BMPER: variants seen among roughly 807,000 people sequenced by gnomAD.
The protein encoded by BMPER is BMP-binding endothelial regulator protein.
BMPER carries 45 observed loss-of-function variants against 87.3 expected under a neutral mutation model. The observed-to-expected ratio is 0.52, with a 90% CI of 0.41 to 0.66. The LOEUF is 0.66. Among genes scored for constraint, BMPER ranks in the 30% least tolerant of loss-of-function variants. The pLI is 0.00. For synonymous variants in BMPER, 326 were observed against 316.2 expected, an observed-to-expected ratio of 1.03 and a Z score of -0.33; for missense variants, 784 against 867.5, an observed-to-expected ratio of 0.90 and a Z score of 1.21.
At chr7:33,921,244 T>C (rs1784222583) in intron 2 of BMPER, among the ~76,000 whole-genome samples, 1 of 152,226 alleles carries the variant, frequency 6.6e-6, no homozygotes, top group African/African-American at 2.4e-5. Context: ...ACTTTAATCT[T>C]AATAGCTATT....
intron 3 of BMPER, among the ~76,000 whole-genome samples, chr7:33,962,698 C>G (rs189594597): frequency 6.6e-6 from 1 of 152,074 alleles, no homozygotes; most frequent in Non-Finnish European, 1.5e-5. Context: ...CCACACCTCC[C>G]GCTGCAGTAC....
intron 6 of BMPER, among the ~76,000 whole-genome samples, chr7:34,040,670 C>T (rs1218721443): frequency 6.6e-6 from 1 of 152,094 alleles, no homozygotes; most frequent in African/African-American, 2.4e-5. Flanking sequence ...GTTCTTTCAA[C>T]TGAGTGGAAG....
At chr7:34,038,340 A>G (rs1441614058) in intron 6 of BMPER, among the ~76,000 whole-genome samples, 5 of 152,210 alleles carry the variant, frequency 3.3e-5, no homozygotes, top group South Asian at 2.1e-4. Context: ...GGAGGGGGCC[A>G]TCAGCCATGG....
At chr7:34,002,948 T>TA (rs371968364) in intron 6 of BMPER, among the ~76,000 whole-genome samples, 1,546 of 151,160 alleles carry the variant, frequency 0.01, 24 homozygotes, top group African/African-American at 0.036. Flanking sequence ...TATCCTGCTT[T>TA]AAAAAAAAAT....
intron 6 of BMPER, among the ~76,000 whole-genome samples, chr7:34,014,899 C>T (rs904989162): frequency 4.0e-5 from 6 of 151,830 alleles, no homozygotes; most frequent in Admixed American, 3.9e-4. Context: ...GTGTTTCCCT[C>T]GTTTTAAAAG....
intron 6 of BMPER, among the ~76,000 whole-genome samples, chr7:33,979,187 A>G (rs1272898445): frequency 6.6e-6 from 1 of 152,220 alleles, no homozygotes; most frequent in East Asian, 1.9e-4. Flanking sequence ...ACGCATATGC[A>G]TACACACGTT....
At chr7:33,932,773 C>A (rs180716391) in intron 2 of BMPER, among the ~76,000 whole-genome samples, 1 of 151,910 alleles carries the variant, frequency 6.6e-6, no homozygotes, top group East Asian at 1.9e-4. Flanking sequence ...TTTTCGTATT[C>A]CATAATAGGA....
intron 2 of BMPER, among the ~76,000 whole-genome samples, chr7:33,930,049 G>A (rs1344534254): frequency 6.6e-6 from 1 of 152,196 alleles, no homozygotes; most frequent in Admixed American, 6.5e-5. Context: ...ATTGTGCAAA[G>A]GGCCACAGTT....
intron 3 of BMPER, among the ~76,000 whole-genome samples, chr7:33,948,677 C>G (rs1784947275): frequency 6.6e-6 from 1 of 152,154 alleles, no homozygotes; most frequent in Non-Finnish European, 1.5e-5. Flanking sequence ...TCCTGCTGGC[C>G]ATGTGAAGAT....
chr7:34,085,972 T>C lies in BMPER; in HGVS notation c.1625T>C (p.Val542Ala), dbSNP rs1199650522. Residue 542 changes from valine to alanine, a missense_variant, in exon 13 of 15, where the codon GTG (valine) becomes GCG (alanine). Transcript: ENST00000649409. The part of the protein sequence containing the change: ...EFCNRPQRKP[V>A]PELCQGTVKV... ...TGCAACAGACCTCAGAGAAAGCCAGTGCCTGAACTGTGTCAAGGGACAGTC... is the reference window on the plus strand; with the variant it reads ...TGCAACAGACCTCAGAGAAAGCCAGCGCCTGAACTGTGTCAAGGGACAGTC... 6.2e-7 allele frequency: 1 copy of C among 1,614,122 alleles called. No homozygotes were observed. Among genetic ancestry groups the C allele is most frequent in the East Asian group, 2.2e-5 (1 of 44,864 alleles).
intron 6 of BMPER, among the ~76,000 whole-genome samples, chr7:33,996,863 T>A (rs1001340793): frequency 6.6e-6 from 1 of 152,236 alleles, no homozygotes; most frequent in South Asian, 2.1e-4. Flanking sequence ...TACATTCTCT[T>A]TATTTTTGTA....
At chr7:33,909,485 G>A (rs1186727308) in intron 2 of BMPER, among the ~76,000 whole-genome samples, 2 of 152,016 alleles carry the variant, frequency 1.3e-5, no homozygotes, top group Admixed American at 6.6e-5. Flanking sequence ...GGAAAATCTC[G>A]TTATGATTTC....
chr7:33,988,681 T>G (rs1204562071), intron 6 of BMPER, among the ~76,000 whole-genome samples: 1 of 152,020 alleles, frequency 6.6e-6, no homozygotes, highest in East Asian at 1.9e-4. Flanking sequence ...TAGTCACATA[T>G]GTATACATGT....
intron 13 of BMPER, among the ~76,000 whole-genome samples, chr7:34,097,323 G>A (rs956973332): frequency 6.6e-6 from 1 of 152,176 alleles, no homozygotes; most frequent in African/African-American, 2.4e-5. Context: ...ATAGACTTCA[G>A]GGTGTGTGGA....
intron 13 of BMPER, among the ~76,000 whole-genome samples, chr7:34,091,084 A>C (rs1789367562): frequency 6.6e-6 from 1 of 152,114 alleles, no homozygotes; most frequent in South Asian, 2.1e-4. Flanking sequence ...CTCTGACAGG[A>C]CCTTCGTGTT....
intron 3 of BMPER, among the ~76,000 whole-genome samples, chr7:33,963,661 G>T (rs887729668): frequency 2.0e-5 from 3 of 152,134 alleles, no homozygotes; most frequent in Non-Finnish European, 4.4e-5. Context: ...GGGCGTGGTG[G>T]CAGGTGCCTG....
rs927889721 is a variant in BMPER, at chr7:34,045,398, G to A, written c.577-908G>A. 2.6e-5 allele frequency among the ~76,000 whole-genome samples: 4 copies of A among 152,162 alleles called. No homozygotes were observed. The East Asian group carries it at 7.7e-4, about 29-fold the overall frequency. ...CTGGGGAAGCAGGCACCTCTGGTGA[G>A]GGATAGGAGGGGAAGTCGTCAGACT... is the stretch of plus-strand genomic sequence containing the variant. On this transcript the variant is annotated intron_variant, in intron 6 of 14. Coordinates refer to ENST00000649409, the MANE Select transcript of BMPER (RefSeq NM_001365308.1).
rs764487260 is a variant in BMPER at position 33,905,576 on chromosome 7, C to G, written c.-38C>G. 1 of 1,606,380 alleles carries G rather than the reference C, an allele frequency of 6.2e-7. No homozygotes were observed. The highest frequency in any genetic ancestry group is 8.5e-7 in the Non-Finnish European group (1 of 1,179,290). ...CGGCAGCTGAGCAGAGGCGGCGGCG[C>G]GGGACCTGCAGTCGCCAGGGATTCC... On this transcript the variant is annotated 5_prime_UTR_variant, in exon 1 of 15. Coordinates refer to ENST00000649409, the MANE Select transcript of BMPER (RefSeq NM_001365308.1).
chr7:34,072,209 C>A (rs957147112), intron 11 of BMPER, among the ~76,000 whole-genome samples: 5 of 152,154 alleles, frequency 3.3e-5, no homozygotes, highest in African/African-American at 1.2e-4. Context: ...AAGCATCTGG[C>A]GTGGTACTTG....
Sources: gnomAD v4.1 joint callset for allele counts (sites outside exome capture counted in the v4.1 genomes callset) on GRCh38, gnomAD v4.1.1 for gene constraint, MANE v1.5 for transcripts, NCBI Gene and HGNC (gene_info 2026-07-23, HGNC 2026-07-21) for gene names.